RNF213: variants seen among roughly 807,000 people sequenced by gnomAD.
RNF213 encodes E3 ubiquitin-protein ligase RNF213.
A neutral mutation model predicts 514.4 loss-of-function variants in RNF213; 341 were observed. The observed-to-expected ratio is 0.66, with a 90% confidence interval of 0.61 to 0.73. The LOEUF (loss-of-function observed/expected upper bound fraction) is 0.73, where lower values mean the gene tolerates loss of function less well. RNF213 is among the 30% of genes least tolerant of loss of function. RNF213 has a pLI of 0.00. For missense variants in RNF213, 5,767 were observed against 6,615.6 expected (o/e 0.87, Z 4.45); for synonymous variants, 2,655 against 2,658.2 (o/e 1.00, Z 0.04).
chr17:80,387,043 G>A (rs114631389), intron 63 of RNF213, 152 bp downstream of exon 63: 19,294 of 766,098 alleles, frequency 0.025, 351 homozygotes, highest in Middle Eastern at 0.05. Context: ...AGGCCACCAC[G>A]CCACCTGTAT....
chr17:80,302,843 T>A (rs2045227651), intron 11 of RNF213, among the ~76,000 whole-genome samples: 1 of 152,170 alleles, frequency 6.6e-6, no homozygotes, highest in Non-Finnish European at 1.5e-5. Context: ...AATAAAAGCA[T>A]CTTTATTTTC....
intron 30 of RNF213, 131 bp downstream of exon 30, chr17:80,350,037 A>C: frequency 9.4e-7 from 1 of 1,060,746 alleles, no homozygotes; most frequent in Admixed American, 2.0e-5. Context: ...TCCTTGTTAA[A>C]TCTCTCCCAG....
At chr17:80,303,332 A>T (rs2045243031) in intron 11 of RNF213, among the ~76,000 whole-genome samples, 1 of 152,172 alleles carries the variant, frequency 6.6e-6, no homozygotes, top group South Asian at 2.1e-4. Flanking sequence ...TGAGAACAAG[A>T]CAGTGACCAT....
intron 5 of RNF213, among the ~76,000 whole-genome samples, chr17:80,289,075 A>C (rs966223933): frequency 3.9e-5 from 6 of 152,168 alleles, no homozygotes; most frequent in Non-Finnish European, 8.8e-5. Flanking sequence ...TGGGAAGGTC[A>C]TGTGCAGAGG....
chr17:80,384,000 C>T lies in RNF213; in HGVS notation c.14322+72C>T, dbSNP rs545367040. ...CCCCAGCAGGCCTGAAGGCCCTGGG[C>T]TTTTACGTAGTATAATCATTCTTAA... On this transcript the variant is annotated intron_variant, in intron 59 of 67. Coordinates refer to ENST00000582970, the MANE Select transcript of RNF213 (RefSeq NM_001256071.3). The T allele has an allele frequency of 1.3e-4, 197 of 1,561,718 alleles. 3 individuals carry two copies. In the South Asian group the frequency reaches 2.1e-3, roughly 17 times the overall value.
chr17:80,281,602 AGC>A (rs2044298554), intron 3 of RNF213, among the ~76,000 whole-genome samples: 1 of 127,244 alleles, frequency 7.9e-6, no homozygotes. Context: ...CAACACACAC[AGC>A]CAACTCACAC....
At position 80,263,645 on chromosome 17, in the gene RNF213, T is replaced by C. The variant is rs748240232; in HGVS notation, c.-37T>C. 6.3e-7 allele frequency: 1 copy of C among 1,575,444 alleles called. No homozygotes were observed. Among genetic ancestry groups the C allele is most frequent in the South Asian group, 1.1e-5 (1 of 90,334 alleles). On this transcript the variant is annotated 5_prime_UTR_variant, in exon 2 of 68. Coordinates refer to ENST00000582970, the MANE Select transcript of RNF213 (RefSeq NM_001256071.3). This position sits in a 1 kb window ranked among gnomAD's most constrained non-coding sequence, Gnocchi z 4.9. ...AGCAGGCTGCCAGCGACTCCTGCTC[T>C]TGCTTCTGGATCTGCAGGGCAGTCC...
chr17:80,323,571 C>T (rs2046201701), intron 17 of RNF213, among the ~76,000 whole-genome samples: 1 of 151,786 alleles, frequency 6.6e-6, no homozygotes, highest in Non-Finnish European at 1.5e-5. Context: ...CGCCCTGTTG[C>T]CCAAGCTGGA....
At chr17:80,388,481 T>C in intron 63 of RNF213, 131 bp from the exon 64 acceptor site, 1 of 748,802 alleles carries the variant, frequency 1.3e-6, no homozygotes, top group Non-Finnish European at 2.4e-6. Flanking sequence ...AGAGGGGCGC[T>C]CTTAGCCAAG....
At position 80,337,651 on chromosome 17, in the gene RNF213, C is replaced by T. The variant is rs1307115522; in HGVS notation, c.4593C>T (p.Arg1531=). 2 of 1,537,296 alleles carry T rather than the reference C, an allele frequency of 1.3e-6. No homozygotes were observed. Among genetic ancestry groups the T allele is most frequent in the Non-Finnish European group, 1.7e-6 (2 of 1,146,926 alleles). Residue 1531 remains arginine, a synonymous_variant, in exon 24 of 68, where the codon CGC becomes CGT. Transcript: ENST00000582970. ...ATGAGAGTCATGGGTCTGTGGAACGCTCATCCCTGACCCTGGCCACGGCCA... is the reference window on the plus strand; with the variant it reads ...ATGAGAGTCATGGGTCTGTGGAACGTTCATCCCTGACCCTGGCCACGGCCA... ...TVNESHGSVE[R]SSLTLATAIN...
intron 17 of RNF213, among the ~76,000 whole-genome samples, chr17:80,323,530 AT>A (rs534769541): frequency 0.014 from 2,141 of 148,210 alleles, 26 homozygotes; most frequent in African/African-American, 0.022. Flanking sequence ...ATTCAATTAG[AT>A]TTTTTTTTTT....
At chr17:80,315,785 T>TAA in intron 15 of RNF213, 1 of 31,428 alleles carries the variant, frequency 3.2e-5, no homozygotes, top group South Asian at 1.2e-3. Context: ...GTGGTGGTGG[T>TAA]GGTGGTGGTG....
At chr17:80,384,495 CTAT>C (rs1325275963) in intron 59 of RNF213, among the ~76,000 whole-genome samples, 5 of 152,292 alleles carry the variant, frequency 3.3e-5, no homozygotes, top group African/African-American at 1.2e-4. Flanking sequence ...TCTCCATGGA[CTAT>C]TATTTGCTGT....
intron 3 of RNF213, among the ~76,000 whole-genome samples, chr17:80,278,511 T>G (rs1250605322): frequency 3.3e-5 from 5 of 152,198 alleles, no homozygotes. Flanking sequence ...GCCTCTGGTG[T>G]GGGCAGTTCT....
Position 80,377,189 on chromosome 17 carries a change from G to A in RNF213, c.13510+226G>A. The A allele has an allele frequency of 1.8e-6, 1 of 565,516 alleles. No homozygotes were observed. The allele number at this position is 565,516 out of a possible 1,614,324, so 35.0% of individuals were successfully genotyped here. On this transcript the variant is annotated intron_variant, in intron 53 of 67. Transcript: ENST00000582970. The surrounding 1 kb of genome is among the most constrained non-coding windows in gnomAD (Gnocchi z 4.1). Reference sequence around the variant, plus strand: ...TTCATTTCTTTGTCGTGTGGAAAAGGCCCTCTGTGATGCACTTCTGTTCTC... The same window carrying A: ...TTCATTTCTTTGTCGTGTGGAAAAGACCCTCTGTGATGCACTTCTGTTCTC...
intron 10 of RNF213, among the ~76,000 whole-genome samples, chr17:80,296,042 C>T (rs564162001): frequency 3.3e-5 from 5 of 152,206 alleles, no homozygotes; most frequent in South Asian, 2.1e-4. Context: ...TCCCCCCAGA[C>T]GGCGTCTCAC....
At chr17:80,375,424 G>A (rs934415181) in intron 50 of RNF213, among the ~76,000 whole-genome samples, 3 of 152,168 alleles carry the variant, frequency 2.0e-5, no homozygotes, top group East Asian at 1.9e-4. Flanking sequence ...GGCAGGCAGC[G>A]GTGCGGGGGC....
Position 80,288,373 on chromosome 17 carries a change from C to T in RNF213, c.810+10C>T. ...GGCCTCAGCCTCTATGGTGAGTCAT[C>T]CGGGAGAGATGGCCTGGGAGTGGCA... On this transcript the variant is annotated intron_variant, in intron 4 of 67. Transcript: ENST00000582970. This position sits in a 1 kb window ranked among gnomAD's most constrained non-coding sequence, Gnocchi z 4.9. The T allele has an allele frequency of 6.2e-7, 1 of 1,611,688 alleles. No individual in the cohort carries two copies. Among genetic ancestry groups the T allele is most frequent in the South Asian group, 1.1e-5 (1 of 91,048 alleles).
intron 3 of RNF213, among the ~76,000 whole-genome samples, chr17:80,281,168 C>A (rs1483100044): frequency 8.2e-6 from 1 of 122,654 alleles, no homozygotes; most frequent in Non-Finnish European, 1.7e-5. Flanking sequence ...CACACCCCCA[C>A]ACATACCCTC....
Sources: gnomAD v4.1 joint callset for allele counts (sites outside exome capture counted in the v4.1 genomes callset) on GRCh38, gnomAD v4.1.1 for gene constraint, Gnocchi (gnomAD v3.1) non-coding constraint, MANE v1.5 for transcripts, NCBI Gene and HGNC (gene_info 2026-07-23, HGNC 2026-07-21) for gene names.